The following PCDHA13 variants were observed in gnomAD, a reference collection of about 807,000 sequenced individuals.
PCDHA13 encodes protocadherin alpha-13.
PCDHA13 carries 54 observed loss-of-function variants against 64.8 expected under a neutral mutation model. That is an observed-to-expected ratio of 0.83 (90% CI 0.67 to 1.04). PCDHA13 has a LOEUF of 1.04. Ranked by LOEUF, PCDHA13 falls within the 50% of genes least tolerant of loss-of-function variation. The probability of loss-of-function intolerance (pLI) is 0.00; values close to 1 mark genes in which losing one functional copy is unlikely to be tolerated. For missense variants in PCDHA13, 1,248 were observed against 1,254.3 expected (o/e 0.99, Z 0.08); for synonymous variants, 587 against 564.4 (o/e 1.04, Z -0.57).
chr5:140,969,399 AT>A, intron 1 of PCDHA13: 1 of 1,580,514 alleles, frequency 6.3e-7, no homozygotes, highest in Non-Finnish European at 8.6e-7. Context: ...ATATCCTGTG[AT>A]TTGGCTTTAT....
At chr5:140,896,541 T>C (rs2065612579) in intron 1 of PCDHA13, among the ~76,000 whole-genome samples, 1 of 151,728 alleles carries the variant, frequency 6.6e-6, no homozygotes, top group South Asian at 2.1e-4. Flanking sequence ...TTTTTCTTTT[T>C]TTTTTTTGTA....
chr5:140,930,257 A>C (rs1412873070), intron 1 of PCDHA13: 1 of 152,218 alleles, frequency 6.6e-6, no homozygotes, highest in Non-Finnish European at 1.5e-5. Flanking sequence ...ACTTGGATTT[A>C]ATTTCTTTTA....
At chr5:141,004,117 G>A (rs2098153806) in intron 3 of PCDHA13, among the ~76,000 whole-genome samples, 1 of 152,236 alleles carries the variant, frequency 6.6e-6, no homozygotes. Flanking sequence ...TCAAAAGGGA[G>A]TATCTCCATG....
intron 3 of PCDHA13, among the ~76,000 whole-genome samples, chr5:140,985,406 GA>G (rs1554247033): frequency 6.6e-6 from 1 of 152,136 alleles, no homozygotes; most frequent in Non-Finnish European, 1.5e-5. Flanking sequence ...TGTTCCCCTG[GA>G]AATGGAGTGA....
At chr5:140,993,226 T>G (rs1554253487) in intron 3 of PCDHA13, among the ~76,000 whole-genome samples, 1 of 152,204 alleles carries the variant, frequency 6.6e-6, no homozygotes, top group Non-Finnish European at 1.5e-5. Context: ...TTTGGTATGT[T>G]CTCTCTGAAT....
intron 1 of PCDHA13, among the ~76,000 whole-genome samples, chr5:140,895,035 C>T (rs1235775113): frequency 6.6e-6 from 1 of 152,104 alleles, no homozygotes; most frequent in East Asian, 1.9e-4. Context: ...AATTGTCCCC[C>T]ACCCACACCA....
intron 3 of PCDHA13, among the ~76,000 whole-genome samples, chr5:141,000,640 C>G (rs2097954123): frequency 6.6e-6 from 1 of 151,256 alleles, no homozygotes; most frequent in South Asian, 2.1e-4. Flanking sequence ...GTTGGGCAGG[C>G]TGGTCTCGAA....
intron 3 of PCDHA13, among the ~76,000 whole-genome samples, chr5:141,008,352 A>T (rs549122044): frequency 6.6e-6 from 1 of 152,204 alleles, no homozygotes; most frequent in Non-Finnish European, 1.5e-5. Flanking sequence ...TTCACGTGTC[A>T]ACCAAAGGAG....
At chr5:140,950,546 C>G (rs1323652854) in intron 1 of PCDHA13, among the ~76,000 whole-genome samples, 4 of 151,970 alleles carry the variant, frequency 2.6e-5, no homozygotes, top group Non-Finnish European at 4.4e-5. Flanking sequence ...TCTTGCATGG[C>G]TGGGGGGACA....
rs201991205 is a variant in PCDHA13 at position 140,982,521 on chromosome 5, G to C, written c.2500G>C (p.Gly834Arg). ...TGGCATTCTACGGGCTGGTCCAGGAGGGCCTGATCAGCAGTGGCCAACAGT... is the reference window on the plus strand; with the variant it reads ...TGGCATTCTACGGGCTGGTCCAGGACGGCCTGATCAGCAGTGGCCAACAGT... ...EAGILRAGPG[G>R]PDQQWPTVSS... Residue 834 changes from glycine to arginine, a missense_variant, in exon 3 of 4, where the codon GGG becomes CGG. Gly to Arg is a moderately radical substitution (Grantham distance 125). Coordinates refer to ENST00000289272, the MANE Select transcript of PCDHA13 (RefSeq NM_018904.3). The C allele has an allele frequency of 9.3e-6, 15 of 1,614,216 alleles. No individual in the cohort carries two copies. In the Admixed American group the frequency reaches 2.3e-4, roughly 25 times the overall value.
At position 140,884,621 on chromosome 5, in the gene PCDHA13, G is replaced by C. The variant is rs116377419; in HGVS notation, c.2353G>C (p.Gly785Arg). 1.2e-6 allele frequency: 2 copies of C among 1,613,996 alleles called. No homozygotes were observed. The highest frequency in any genetic ancestry group is 2.2e-5 in the South Asian group (2 of 91,076). ...SLPPCLGSAE[G>R]TGQREEDSEC... is the part of the protein sequence containing the mutation. ...TCCTCCTTGTCTGGGTTCTGCAGAG[G>C]GAACAGGCCAGAGGGAGGAGGACTC... The change falls in exon 1 of 4, where the codon GGA (glycine) becomes CGA (arginine). Residue 785 changes from glycine to arginine, a missense_variant. By Grantham distance (125) the Gly-to-Arg change is moderately radical (BLOSUM62 -2). Coordinates refer to ENST00000289272, the MANE Select transcript of PCDHA13 (RefSeq NM_018904.3).
rs576672695 is a variant in PCDHA13, at chr5:140,976,134, A to G, written c.2395-2815A>G. On this transcript the variant is annotated intron_variant, in intron 1 of 3. Transcript: ENST00000289272. ...TTTTCCAAGTTTAATCAAGTTCTGG[A>G]TGAAACTCATGTACATTTTACTACT... Among the ~76,000 whole-genome samples the G allele has an allele frequency of 2.0e-5, 3 of 152,348 alleles. No homozygotes were observed. In the East Asian group the frequency reaches 5.8e-4, roughly 29 times the overall value.
intron 1 of PCDHA13, among the ~76,000 whole-genome samples, chr5:140,899,690 C>T (rs1340913543): frequency 6.6e-6 from 1 of 152,156 alleles, no homozygotes; most frequent in Non-Finnish European, 1.5e-5. Flanking sequence ...TGATGCTGGC[C>T]TCATAAAATG....
intron 1 of PCDHA13, chr5:140,928,319 AG>A: frequency 6.2e-7 from 1 of 1,614,200 alleles, no homozygotes. Flanking sequence ...GACCTGGGGA[AG>A]AATGGCCTTG....
At position 140,882,164 on chromosome 5, in the gene PCDHA13, C is replaced by T. The variant is rs2058984922; in HGVS notation, c.-105C>T. The T allele has an allele frequency of 1.3e-6, 2 of 1,509,832 alleles. No homozygotes were observed. 93.5% of individuals were successfully genotyped at this position (1,509,832 alleles called of 1,614,324 possible). A position where few individuals can be genotyped will look rare whatever the true frequency, so the allele number is the denominator to read the frequency against. On this transcript the variant is annotated 5_prime_UTR_variant, in exon 1 of 4. Transcript: ENST00000289272. ...ATAGCAGAAAGCGGAATACCTCTTG[C>T]GAATCCTTCCGCACTAGGAAGCCAT...
intron 1 of PCDHA13, among the ~76,000 whole-genome samples, chr5:140,926,033 G>A (rs1554203080): frequency 6.6e-6 from 1 of 152,070 alleles, no homozygotes; most frequent in Non-Finnish European, 1.5e-5. Flanking sequence ...AGTTTGATGC[G>A]GACACTATTC....
At chr5:140,940,028 G>T (rs782276273) in intron 1 of PCDHA13, among the ~76,000 whole-genome samples, 1 of 152,048 alleles carries the variant, frequency 6.6e-6, no homozygotes, top group African/African-American at 2.4e-5. Context: ...ATGTTTTAAG[G>T]CTATTTTATT....
rs920860677 is a variant in PCDHA13, at chr5:140,985,387, C to T, written c.2542+2824C>T. Among the ~76,000 whole-genome samples the T allele has an allele frequency of 3.0e-4, 45 of 152,272 alleles. 1 individual carries two copies. Among genetic ancestry groups the T allele is most frequent in the African/African-American group, 9.9e-4 (41 of 41,542 alleles). On this transcript the variant is annotated intron_variant, in intron 3 of 3. Transcript: ENST00000289272. ...GTTATCTGGGTCTATATAATCCAGTCACCCCAACTGTTCCCCTGGAAATGG... is the reference window on the plus strand; with the variant it reads ...GTTATCTGGGTCTATATAATCCAGTTACCCCAACTGTTCCCCTGGAAATGG...
At chr5:140,936,875 C>A (rs1052156307) in intron 1 of PCDHA13, among the ~76,000 whole-genome samples, 1 of 151,950 alleles carries the variant, frequency 6.6e-6, no homozygotes, top group South Asian at 2.1e-4. Context: ...TTTAAAAAAC[C>A]CTGCTTTGAT....
Sources: gnomAD v4.1 joint callset for allele counts (sites outside exome capture counted in the v4.1 genomes callset) on GRCh38, gnomAD v4.1.1 for gene constraint, MANE v1.5 for transcripts, NCBI Gene and HGNC (gene_info 2026-07-23, HGNC 2026-07-21) for gene names.